Variants in NXF2B observed in about 807,000 individuals in gnomAD.
NXF2B encodes nuclear RNA export factor 2B.
intron 2 of NXF2B, among the ~76,000 whole-genome samples, chrX:102,397,121 T>C (rs1934324030): frequency 1.1e-5 from 1 of 90,793 alleles, no homozygotes; most frequent in African/African-American, 3.6e-5. Context: ...AGGTAATTTA[T>C]AGATTCAACG....
chrX:102,377,193 A>AGC (rs1934242035), intron 1 of NXF2B, among the ~76,000 whole-genome samples: 1 of 73,832 alleles, frequency 1.4e-5, no homozygotes, highest in Non-Finnish European at 2.5e-5. Context: ...TGAGAGAGAG[A>AGC]GAGCGAGAGA....
At chrX:102,427,034 T>C (rs1398728648) in intron 2 of NXF2B, 1 of 56,432 alleles carries the variant, frequency 1.8e-5, no homozygotes, top group Non-Finnish European at 4.2e-5. Context: ...CCCAAGGCTC[T>C]GCTCAACTTT....
chrX:102,397,745 G>A (rs1343934126), intron 2 of NXF2B, among the ~76,000 whole-genome samples: 1 of 86,098 alleles, frequency 1.2e-5, no homozygotes, highest in Non-Finnish European at 2.2e-5. Flanking sequence ...GAGTGAACAG[G>A]CAACCTACAG....
At chrX:102,426,873 G>A (rs1934433643) in intron 2 of NXF2B, 1 of 102,011 alleles carries the variant, frequency 9.8e-6, no homozygotes. Context: ...CTGTCCTGGT[G>A]GATCTTCTGT....
At chrX:102,405,064 G>A (rs868966083) in intron 2 of NXF2B, among the ~76,000 whole-genome samples, 3,926 of 70,578 alleles carry the variant, frequency 0.056, 183 homozygotes, top group Non-Finnish European at 0.085. Context: ...GGAGGATCAC[G>A]AGGTCAGGAG....
chrX:102,377,180 GTGTGA>G (rs1934241284), intron 1 of NXF2B, among the ~76,000 whole-genome samples: 2 of 79,128 alleles, frequency 2.5e-5, no homozygotes, highest in East Asian at 1.0e-3. Flanking sequence ...GTGTGTGTGT[GTGTGA>G]GAGAGAGAGA....
At chrX:102,405,015 C>T (rs1347439713) in intron 2 of NXF2B, among the ~76,000 whole-genome samples, 2 of 47,438 alleles carry the variant, frequency 4.2e-5, no homozygotes, top group Non-Finnish European at 7.5e-5. Flanking sequence ...GGCGTGGTGG[C>T]TCACGGCTGT....
intron 2 of NXF2B, among the ~76,000 whole-genome samples, chrX:102,412,635 AAG>A (rs1192111958): frequency 8.1e-4 from 22 of 27,199 alleles, no homozygotes; most frequent in Non-Finnish European, 1.5e-3. Context: ...GAAGAAGAAG[AAG>A]AAGAAGAAGT....
At chrX:102,405,294 AAAC>A (rs1934354846) in intron 2 of NXF2B, among the ~76,000 whole-genome samples, 1 of 28,003 alleles carries the variant, frequency 3.6e-5, no homozygotes, top group Non-Finnish European at 6.8e-5. Context: ...CATCTCAAAA[AAAC>A]AAACAAAAAA....
chrX:102,412,570 A>AGAAGAG (rs781790113), intron 2 of NXF2B, among the ~76,000 whole-genome samples: 1 of 4,746 alleles, frequency 2.1e-4, no homozygotes, highest in African/African-American at 8.7e-4. Context: ...AGAAGAAGGA[A>AGAAGAG]GAAGAGGAAG....
intron 2 of NXF2B, among the ~76,000 whole-genome samples, chrX:102,433,297 A>ACTG (rs1241598163): frequency 9.1e-6 from 1 of 109,757 alleles, no homozygotes; most frequent in Non-Finnish European, 1.9e-5. Flanking sequence ...ACATGCTGGA[A>ACTG]TACAGTTTGT....
intron 2 of NXF2B, among the ~76,000 whole-genome samples, chrX:102,412,588 G>A (rs76535019): frequency 0.28 from 615 of 2,190 alleles, 85 homozygotes; most frequent in Admixed American, 0.35. Flanking sequence ...AAGAGGAAGA[G>A]GAAGAGGAAG....
chrX:102,420,468 T>G (rs1249095186), intron 2 of NXF2B, among the ~76,000 whole-genome samples: 1 of 105,262 alleles, frequency 9.5e-6, no homozygotes, highest in Non-Finnish European at 2.0e-5. Flanking sequence ...CATAGAGGTG[T>G]TTATAGTATT....
chrX:102,438,878 C>T (rs1478733665), intron 1 of NXF2B, among the ~76,000 whole-genome samples: 9 of 11,110 alleles, frequency 8.1e-4, no homozygotes, highest in African/African-American at 2.2e-3. Flanking sequence ...GAAATCCAGG[C>T]GAGGGCTCTC....
At chrX:102,405,135 A>T (rs1934352844) in intron 2 of NXF2B, among the ~76,000 whole-genome samples, 2 of 98,797 alleles carry the variant, frequency 2.0e-5, no homozygotes, top group East Asian at 6.0e-4. Context: ...CAAAAAAAAA[A>T]AAAAATTAGC....
At chrX:102,393,534 AC>A (rs1934303060) in intron 2 of NXF2B, among the ~76,000 whole-genome samples, 1 of 23,026 alleles carries the variant, frequency 4.3e-5, no homozygotes, top group Non-Finnish European at 7.2e-5. Context: ...AAAAAAAAAA[AC>A]AAACAAAACT....
chrX:102,432,691 A>G (rs1242512364), intron 2 of NXF2B, among the ~76,000 whole-genome samples: 2 of 62,340 alleles, frequency 3.2e-5, no homozygotes, highest in African/African-American at 9.9e-5. Flanking sequence ...ACCTAAAGAA[A>G]TAGATTTTTT....
At chrX:102,412,527 A>AG (rs529734684) in intron 2 of NXF2B, among the ~76,000 whole-genome samples, 14 of 828 alleles carry the variant, frequency 0.017, 3 homozygotes, top group Admixed American at 0.032. Context: ...AAGAAGAAGA[A>AG]GAAGAAGAAG....
At chrX:102,438,732 G>A (rs1381307537) in intron 1 of NXF2B, 58 bp from the exon 2 acceptor site, 46 of 30,691 alleles carry the variant, frequency 1.5e-3, no homozygotes, top group African/African-American at 4.1e-3. Flanking sequence ...AAAATCTGTA[G>A]ATTAGTTAAT....
Sources: allele counts gnomAD v4.1 joint callset (sites outside exome capture counted in the v4.1 genomes callset), GRCh38; gene constraint gnomAD v4.1.1; transcripts MANE v1.5; gene names NCBI Gene and HGNC (gene_info 2026-07-23, HGNC 2026-07-21).